FER: variants seen among roughly 807,000 people sequenced by gnomAD.
FER encodes the protein tyrosine-protein kinase Fer.
Under a neutral mutation model 111.0 loss-of-function variants are expected in FER, and 63 were observed. The observed-to-expected ratio is 0.57, with a 90% CI of 0.46 to 0.70. The LOEUF (loss-of-function observed/expected upper bound fraction) is 0.70, where lower values mean the gene tolerates loss of function less well. FER is among the 30% of genes least tolerant of loss of function. The pLI is 0.00. For synonymous variants in FER, 327 were observed against 313.9 expected (o/e 1.04, Z -0.44); for missense variants, 914 against 954.0 (o/e 0.96, Z 0.55).
intron 5 of FER, among the ~76,000 whole-genome samples, chr5:108,841,222 GGTAGTGAACGCATTTCAGTT>G (rs759387445): frequency 7.0e-4 from 106 of 152,168 alleles, no homozygotes; most frequent in Non-Finnish European, 1.1e-3. Flanking sequence ...CACTTTACTA[GGTAGTGAACGCATTTCAGTT>G]AGAAGTGTTT....
intron 11 of FER, among the ~76,000 whole-genome samples, chr5:108,950,738 T>C (rs1253787645): frequency 6.6e-6 from 1 of 152,194 alleles, no homozygotes; most frequent in East Asian, 1.9e-4. Flanking sequence ...AAACATTTAG[T>C]ATATCTGTAC....
chr5:108,939,227 T>A (rs1755927651), intron 10 of FER, among the ~76,000 whole-genome samples: 1 of 152,064 alleles, frequency 6.6e-6, no homozygotes, highest in South Asian at 2.1e-4. Context: ...TACATTAATA[T>A]ATATCAATAT....
At chr5:109,168,360 C>A (rs1359753971) in intron 17 of FER, among the ~76,000 whole-genome samples, 2 of 152,038 alleles carry the variant, frequency 1.3e-5, no homozygotes, top group Non-Finnish European at 2.9e-5. Flanking sequence ...GGCCTAGTCA[C>A]CAGAAAGACC....
chr5:109,154,218 GC>G (rs1755132968), intron 17 of FER, among the ~76,000 whole-genome samples: 1 of 151,912 alleles, frequency 6.6e-6, no homozygotes, highest in Admixed American at 6.6e-5. Flanking sequence ...GTCATGGATA[GC>G]TATAACAGTT....
At chr5:108,883,136 A>C (rs958322427) in intron 8 of FER, among the ~76,000 whole-genome samples, 1 of 151,968 alleles carries the variant, frequency 6.6e-6, no homozygotes, top group Non-Finnish European at 1.5e-5. Context: ...ACTCTAGACC[A>C]GTATTGCCCG....
chr5:108,808,536 T>G (rs988207000), intron 3 of FER, among the ~76,000 whole-genome samples: 2 of 152,114 alleles, frequency 1.3e-5, no homozygotes, highest in African/African-American at 2.4e-5. Context: ...TGGGTTTGTT[T>G]TTTTAATCCA....
At chr5:109,161,640 A>G (rs1353238255) in intron 17 of FER, among the ~76,000 whole-genome samples, 1 of 152,112 alleles carries the variant, frequency 6.6e-6, no homozygotes, top group Non-Finnish European at 1.5e-5. Context: ...CCAGTCTACC[A>G]TTAATGGGCA....
chr5:108,828,262 A>G (rs1759681257), intron 3 of FER, among the ~76,000 whole-genome samples: 1 of 152,182 alleles, frequency 6.6e-6, no homozygotes, highest in Non-Finnish European at 1.5e-5. Context: ...AGCACTTTTG[A>G]TAATTCAGGA....
chr5:108,862,498 G>A (rs926527691), intron 5 of FER, among the ~76,000 whole-genome samples: 1 of 152,132 alleles, frequency 6.6e-6, no homozygotes, highest in African/African-American at 2.4e-5. Context: ...ATTGTCTTCT[G>A]AAGTTAGACT....
At chr5:108,845,094 AC>A (rs1761898417) in intron 5 of FER, among the ~76,000 whole-genome samples, 1 of 129,406 alleles carries the variant, frequency 7.7e-6, no homozygotes, top group South Asian at 2.5e-4. Flanking sequence ...ACACACACAC[AC>A]AATTGATTTT....
chr5:108,758,998 A>G (rs1751422340), intron 1 of FER, among the ~76,000 whole-genome samples: 1 of 152,248 alleles, frequency 6.6e-6, no homozygotes, highest in African/African-American at 2.4e-5. Context: ...AAAGAAGACA[A>G]CTAAGAGATT....
At chr5:109,124,616 TG>T (rs1386641191) in intron 17 of FER, among the ~76,000 whole-genome samples, 1 of 151,674 alleles carries the variant, frequency 6.6e-6, no homozygotes, top group African/African-American at 2.4e-5. Context: ...TTGTTGTTGT[TG>T]TTGTTTTGCT....
At chr5:109,004,321 A>G (rs1765222079) in intron 13 of FER, among the ~76,000 whole-genome samples, 2 of 152,198 alleles carry the variant, frequency 1.3e-5, no homozygotes, top group South Asian at 4.1e-4. Context: ...ATCACAGAAT[A>G]GTTTATTGGC....
chr5:108,879,866 C>T (rs943953499), intron 8 of FER, among the ~76,000 whole-genome samples: 4 of 151,308 alleles, frequency 2.6e-5, no homozygotes, highest in Non-Finnish European at 5.9e-5. Flanking sequence ...CCTGCCACCA[C>T]ACCCAGCTAA....
At chr5:108,778,520 G>C (rs887668104) in intron 2 of FER, among the ~76,000 whole-genome samples, 11 of 152,158 alleles carry the variant, frequency 7.2e-5, no homozygotes, top group African/African-American at 2.7e-4. Flanking sequence ...GATTTTGGCT[G>C]TTCTGATAAA....
intron 3 of FER, among the ~76,000 whole-genome samples, chr5:108,813,506 A>C (rs552700486): frequency 6.6e-6 from 1 of 151,816 alleles, no homozygotes; most frequent in Non-Finnish European, 1.5e-5. Flanking sequence ...TTCTTTCAGG[A>C]CCCTGATTAC....
chr5:108,829,088 T>A (rs1163380831), intron 3 of FER, among the ~76,000 whole-genome samples: 1 of 152,248 alleles, frequency 6.6e-6, no homozygotes, highest in Non-Finnish European at 1.5e-5. Context: ...GCTTTACTTT[T>A]GTTTGTTTCT....
intron 2 of FER, among the ~76,000 whole-genome samples, chr5:108,784,671 T>TAA (rs892062135): frequency 2.0e-5 from 3 of 152,224 alleles, no homozygotes; most frequent in Non-Finnish European, 4.4e-5. Flanking sequence ...AAGCCAGTGA[T>TAA]AAGCATTGTT....
intron 5 of FER, among the ~76,000 whole-genome samples, chr5:108,844,996 GTATATATATATATA>G (rs1178206742): frequency 1.2e-3 from 34 of 29,288 alleles, no homozygotes; most frequent in East Asian, 3.0e-3. Context: ...GTGTGTGTGT[GTATATATATATATA>G]TATATATATA....
Sources: gnomAD v4.1 joint callset for allele counts (sites outside exome capture counted in the v4.1 genomes callset) on GRCh38, gnomAD v4.1.1 for gene constraint, MANE v1.5 for transcripts, NCBI Gene and HGNC (gene_info 2026-07-23, HGNC 2026-07-21) for gene names.